Variants in SCAI observed in about 807,000 individuals in gnomAD.
SCAI encodes the protein protein SCAI.
SCAI carries 24 observed loss-of-function variants against 92.2 expected under a neutral mutation model. The observed-to-expected ratio is 0.26, with a 90% CI of 0.19 to 0.37. The LOEUF is 0.37. Among genes scored for constraint, SCAI ranks in the 10% least tolerant of loss-of-function variants. The pLI is 1.00. For synonymous variants in SCAI, 261 were observed against 258.6 expected (o/e 1.01, Z -0.09); for missense variants, 450 against 736.2 (o/e 0.61, Z 4.50).
intron 2 of SCAI, among the ~76,000 whole-genome samples, chr9:125,138,249 C>CTTTTT (rs10570060): frequency 5.8e-5 from 6 of 104,200 alleles, no homozygotes; most frequent in Admixed American, 1.1e-4. Context: ...ACTATTATTT[C>CTTTTT]TTTTTTTTTT....
chr9:124,970,254 ACAGT>A (rs1207464424), intron 17 of SCAI, among the ~76,000 whole-genome samples: 3 of 152,210 alleles, frequency 2.0e-5, no homozygotes, highest in Non-Finnish European at 4.4e-5. Flanking sequence ...CTAGTGTTGC[ACAGT>A]CAAACAAAAT....
At chr9:125,139,337 C>T (rs1835612907) in intron 2 of SCAI, among the ~76,000 whole-genome samples, 1 of 151,962 alleles carries the variant, frequency 6.6e-6, no homozygotes, top group African/African-American at 2.4e-5. Flanking sequence ...CACCTGGGCC[C>T]GAGAAGTCAA....
At chr9:125,143,354 C>T in intron 1 of SCAI, 31 bp downstream of exon 1, 1 of 1,305,124 alleles carries the variant, frequency 7.7e-7, no homozygotes. Flanking sequence ...CCACCCCATC[C>T]CCAACCCCGG....
intron 17 of SCAI, among the ~76,000 whole-genome samples, chr9:124,953,936 T>C (rs1162971113): frequency 1.3e-5 from 2 of 152,204 alleles, no homozygotes; most frequent in Non-Finnish European, 2.9e-5. Flanking sequence ...ACTGCAGCCT[T>C]GCAATGAGCT....
At chr9:125,046,755 A>G (rs889888291) in intron 3 of SCAI, among the ~76,000 whole-genome samples, 1 of 151,588 alleles carries the variant, frequency 6.6e-6, no homozygotes, top group Non-Finnish European at 1.5e-5. Flanking sequence ...CCAATTCCCG[A>G]TCCAGCTTCT....
At chr9:125,093,566 C>T (rs62580563) in intron 2 of SCAI, among the ~76,000 whole-genome samples, 1 of 149,302 alleles carries the variant, frequency 6.7e-6, no homozygotes, top group Admixed American at 6.6e-5. Flanking sequence ...GATGACACCT[C>T]CTTTTTTTTT....
chr9:125,019,101 A>C lies in SCAI; in HGVS notation c.708+6T>G. ...ATAATTATGATTTTTCTTATCAAAAACTGACCTCAATGAAAGCTGCTACTT... is the reference window on the plus strand; with the variant it reads ...ATAATTATGATTTTTCTTATCAAAACCTGACCTCAATGAAAGCTGCTACTT... On this transcript the variant is annotated splice_donor_region_variant and intron_variant, in intron 8 of 17. Transcript: ENST00000336505. 1 of 1,589,622 alleles carries C rather than the reference A, an allele frequency of 6.3e-7. No individual in the cohort carries two copies. The highest frequency in any genetic ancestry group is 1.1e-5 in the South Asian group (1 of 88,130).
intron 17 of SCAI, among the ~76,000 whole-genome samples, chr9:124,954,392 CTA>C (rs1188706254): frequency 6.6e-6 from 1 of 152,154 alleles, no homozygotes; most frequent in Non-Finnish European, 1.5e-5. Context: ...AAAACTGAAA[CTA>C]TACAGTTAAA....
At chr9:124,963,496 T>A (rs2131580818) in intron 17 of SCAI, among the ~76,000 whole-genome samples, 1 of 151,972 alleles carries the variant, frequency 6.6e-6, no homozygotes, top group South Asian at 2.1e-4. Context: ...ACACCTGTAA[T>A]CCTAGCACTT....
At chr9:125,096,491 TC>T (rs1834555932) in intron 2 of SCAI, among the ~76,000 whole-genome samples, 3 of 152,222 alleles carry the variant, frequency 2.0e-5, no homozygotes, top group Admixed American at 2.0e-4. Context: ...ATTTCTTTGG[TC>T]CCTGGCAGTG....
intron 2 of SCAI, among the ~76,000 whole-genome samples, chr9:125,081,262 G>A (rs769706999): frequency 3.3e-5 from 5 of 152,216 alleles, no homozygotes; most frequent in Non-Finnish European, 5.9e-5. Context: ...CTCAGAAGAA[G>A]ACAGGAAAAT....
chr9:124,976,338 T>C, intron 14 of SCAI, 152 bp from the exon 15 acceptor site: 5 of 615,396 alleles, frequency 8.1e-6, no homozygotes, highest in Non-Finnish European at 1.5e-5. Context: ...GAGACTGCCA[T>C]TCATATATAA....
At chr9:124,996,881 C>T (rs573843530) in intron 13 of SCAI, among the ~76,000 whole-genome samples, 2 of 152,232 alleles carry the variant, frequency 1.3e-5, no homozygotes, top group Admixed American at 6.5e-5. Context: ...CCGCCCACTT[C>T]GGCCTCCCAA....
intron 17 of SCAI, among the ~76,000 whole-genome samples, chr9:124,962,293 G>C (rs768575829): frequency 2.0e-5 from 3 of 151,470 alleles, no homozygotes; most frequent in Non-Finnish European, 2.9e-5. Context: ...CCGAGTAGCT[G>C]AGACTACAGG....
At chr9:125,099,299 T>G (rs964813173) in intron 2 of SCAI, among the ~76,000 whole-genome samples, 1 of 152,078 alleles carries the variant, frequency 6.6e-6, no homozygotes, top group African/African-American at 2.4e-5. Flanking sequence ...TTTTTTTTTT[T>G]TTTGAGACAG....
At chr9:125,005,249 T>C (rs1201064642) in intron 9 of SCAI, among the ~76,000 whole-genome samples, 5 of 152,148 alleles carry the variant, frequency 3.3e-5, no homozygotes, top group Admixed American at 1.3e-4. Flanking sequence ...TTCTATCAAA[T>C]AAAAGAAGAG....
intron 14 of SCAI, 28 bp downstream of exon 14, chr9:124,994,906 C>G (rs200107325): frequency 1.3e-6 from 2 of 1,528,290 alleles, no homozygotes; most frequent in African/African-American, 2.7e-5. Context: ...ACAATGTCTA[C>G]CTGTGCAATA....
At chr9:125,104,220 A>G (rs1406697328) in intron 2 of SCAI, among the ~76,000 whole-genome samples, 2 of 152,216 alleles carry the variant, frequency 1.3e-5, no homozygotes, top group East Asian at 1.9e-4. Context: ...CAGAGCTGAC[A>G]TCGTAACAAT....
chr9:125,106,925 C>T (rs1348503616), intron 2 of SCAI, among the ~76,000 whole-genome samples: 5 of 148,922 alleles, frequency 3.4e-5, no homozygotes, highest in Non-Finnish European at 5.9e-5. Flanking sequence ...ATGTTGCCCA[C>T]GCTGGTCTTG....
Sources: allele counts gnomAD v4.1 joint callset (sites outside exome capture counted in the v4.1 genomes callset), GRCh38; gene constraint gnomAD v4.1.1; transcripts MANE v1.5; gene names NCBI Gene and HGNC (gene_info 2026-07-23, HGNC 2026-07-21).